The following ARHGEF10L variants were observed in gnomAD, a reference collection of about 807,000 sequenced individuals.
ARHGEF10L encodes the protein rho guanine nucleotide exchange factor 10-like protein.
ARHGEF10L carries 69 observed loss-of-function variants against 141.2 expected under a neutral mutation model. That is an observed-to-expected ratio of 0.49 (90% CI 0.40 to 0.60). The LOEUF (loss-of-function observed/expected upper bound fraction) is 0.60, where lower values mean the gene tolerates loss of function less well. Ranked by LOEUF, ARHGEF10L falls within the 20% of genes least tolerant of loss-of-function variation. The pLI is 0.00. For missense variants in ARHGEF10L, 1,482 were observed against 1,734.3 expected, an observed-to-expected ratio of 0.85 and a Z score of 2.58; for synonymous variants, 711 against 718.5, an observed-to-expected ratio of 0.99 and a Z score of 0.17.
the ARHGEF10L span, among the ~76,000 whole-genome samples, chr1:17,532,263 C>G: frequency 6.6e-6 from 1 of 152,162 alleles, no homozygotes; most frequent in Non-Finnish European, 1.5e-5. Flanking sequence ...AACTCTTATG[C>G]CTGGGAGCCT....
chr1:17,652,260 C>T (rs1221418162), intron 22 of ARHGEF10L, among the ~76,000 whole-genome samples: 2 of 152,092 alleles, frequency 1.3e-5, no homozygotes, highest in African/African-American at 4.8e-5. Context: ...AGGAGTAGGT[C>T]TCTTGTCTGT....
At chr1:17,678,069 C>T (rs533728371) in intron 26 of ARHGEF10L, among the ~76,000 whole-genome samples, 2 of 152,242 alleles carry the variant, frequency 1.3e-5, no homozygotes, top group South Asian at 4.2e-4. Context: ...GATGCCTGGC[C>T]CCCTCTCTAT....
chr1:17,554,582 C>G (rs2077233812), intron 1 of ARHGEF10L, among the ~76,000 whole-genome samples: 1 of 144,402 alleles, frequency 6.9e-6, no homozygotes, highest in Non-Finnish European at 1.5e-5. Context: ...TTCCTTCCTT[C>G]CTTTTTTTTT....
intron 26 of ARHGEF10L, among the ~76,000 whole-genome samples, chr1:17,666,970 C>T (rs1350610801): frequency 6.7e-6 from 1 of 149,936 alleles, no homozygotes; most frequent in Non-Finnish European, 1.5e-5. Context: ...GGTCCTCTGA[C>T]CCATCTGGGT....
At chr1:17,562,191 C>T (rs572739109) in intron 1 of ARHGEF10L, among the ~76,000 whole-genome samples, 5 of 152,248 alleles carry the variant, frequency 3.3e-5, no homozygotes, top group South Asian at 2.1e-4. Context: ...GAAGTGGGTG[C>T]ATCACTTGAT....
At chr1:17,560,451 G>T (rs2077500762) in intron 1 of ARHGEF10L, among the ~76,000 whole-genome samples, 2 of 152,186 alleles carry the variant, frequency 1.3e-5, no homozygotes, top group Non-Finnish European at 2.9e-5. Context: ...TGCCCCTTTT[G>T]TGAAGTGGGG....
At chr1:17,604,022 C>T (rs546048028) in intron 6 of ARHGEF10L, among the ~76,000 whole-genome samples, 3 of 152,194 alleles carry the variant, frequency 2.0e-5, no homozygotes, top group Non-Finnish European at 2.9e-5. Context: ...CGATTGTGGC[C>T]GCAGAAGGGA....
chr1:17,685,155 C>A lies in ARHGEF10L; in HGVS notation c.3010-2418C>A, dbSNP rs142204198. Among the ~76,000 whole-genome samples, 19 of 152,314 alleles carry A rather than the reference C, an allele frequency of 1.2e-4. No homozygotes were observed. The East Asian group carries it at 3.1e-3, about 25-fold the overall frequency. ...CCTCCCTCTCCACTTGCTAAGCCCA[C>A]GCGAGGTCTTCGGGGGCTGGACAAA... On this transcript the variant is annotated intron_variant, in intron 26 of 28. Transcript: ENST00000361221.
At chr1:17,618,551 C>G (rs920800153) in intron 9 of ARHGEF10L, 4 of 1,362,316 alleles carry the variant, frequency 2.9e-6, no homozygotes, top group East Asian at 3.1e-5. Flanking sequence ...GTCTCTACCC[C>G]CTCCCACCCT....
intron 27 of ARHGEF10L, among the ~76,000 whole-genome samples, chr1:17,689,466 CCTCCCTGCCTCCTTCCCCTACCTCCCTCT>C (rs2064888534): frequency 1.2e-5 from 1 of 82,134 alleles, no homozygotes; most frequent in Non-Finnish European, 2.4e-5. Context: ...TCTCTCCCTC[CCTCCCTGCCTCCTTCCCCTACCTCCCTCT>C]CTCCCTCCCT....
intron 25 of ARHGEF10L, among the ~76,000 whole-genome samples, chr1:17,659,982 G>A (rs546265345): frequency 1.3e-5 from 2 of 152,378 alleles, no homozygotes; most frequent in South Asian, 4.1e-4. Context: ...CTGAGGCCAA[G>A]AGCAATGTGG....
At chr1:17,605,332 C>T (rs757677073) in intron 6 of ARHGEF10L, among the ~76,000 whole-genome samples, 6 of 152,280 alleles carry the variant, frequency 3.9e-5, no homozygotes, top group South Asian at 2.1e-4. Flanking sequence ...CCTGACCAAT[C>T]TCTCTGGGCC....
At chr1:17,655,025 A>T (rs889578398) in intron 23 of ARHGEF10L, among the ~76,000 whole-genome samples, 8 of 152,132 alleles carry the variant, frequency 5.3e-5, no homozygotes, top group Non-Finnish European at 1.2e-4. Context: ...CAGGATCTTC[A>T]CCCCTGGAGT....
At position 17,697,606 on chromosome 1, in the gene ARHGEF10L, CCTT is replaced by C. The variant is rs1315450368; in HGVS notation, c.*230_*232del. The C allele has an allele frequency of 4.4e-6, 3 of 681,634 alleles. No individual in the cohort carries two copies. The highest frequency in any genetic ancestry group is 8.0e-6 in the Non-Finnish European group (3 of 377,150). 42.2% of individuals were successfully genotyped at this position (681,634 alleles called of 1,614,324 possible). On this transcript the variant is annotated 3_prime_UTR_variant, in exon 29 of 29. Coordinates refer to ENST00000361221, the MANE Select transcript of ARHGEF10L (RefSeq NM_018125.4). This position sits in a 1 kb window ranked among gnomAD's most constrained non-coding sequence, Gnocchi z 4.8. ...GGGAGGACACATCTGGAGGAAATGG[CCTT>C]CTTTTTAAAAGCAAAAAACACAAAA...
In ARHGEF10L at chr1:17,697,087, C is replaced by T; in HGVS notation, c.3547C>T (p.Leu1183Phe). The T allele has an allele frequency of 6.2e-7, 1 of 1,607,228 alleles. No individual in the cohort carries two copies. The highest frequency in any genetic ancestry group is 2.2e-5 in the East Asian group (1 of 44,658). The change falls in exon 29 of 29, where the codon CTC (leucine) becomes TTC (phenylalanine). Residue 1183 changes from leucine (L) to phenylalanine (F), a missense_variant. By Grantham distance (22) the Leu-to-Phe change is conservative. Coordinates refer to ENST00000361221, the MANE Select transcript of ARHGEF10L (RefSeq NM_018125.4). This position sits in a 1 kb window ranked among gnomAD's most constrained non-coding sequence, Gnocchi z 4.8. Reference sequence around the variant, plus strand: ...GTACCGCCTGCGCTCCACCGCACACCTCCCGGGCCCGCTGCTCTCCATGCG... The same window carrying T: ...GTACCGCCTGCGCTCCACCGCACACTTCCCGGGCCCGCTGCTCTCCATGCG... ...LQYRLRSTAH[L>F]PGPLLSMREP... is the part of the protein sequence containing the mutation.
rs147626453 is a variant in ARHGEF10L, at chr1:17,682,181, T to G, written c.3010-5392T>G. On this transcript the variant is annotated intron_variant, in intron 26 of 28. Coordinates refer to ENST00000361221, the MANE Select transcript of ARHGEF10L (RefSeq NM_018125.4). ...TTCTAGGCATTTCTCCAGGGCACCC[T>G]GGCTAGAGTCACTGCCTTCAGGCTC... 5.4e-3 allele frequency among the ~76,000 whole-genome samples: 822 copies of G among 152,318 alleles called. 9 individuals carry two copies. Among genetic ancestry groups the G allele is most frequent in the African/African-American group, 0.019 (789 of 41,566 alleles).
Position 17,615,696 on chromosome 1 carries a change from C to G in ARHGEF10L, c.727-398C>G, listed in dbSNP as rs2059768326. The G allele has an allele frequency of 5.7e-6, 1 of 175,868 alleles. No homozygotes were observed. Among genetic ancestry groups the G allele is most frequent in the African/African-American group, 2.3e-5 (1 of 42,736 alleles). The allele number at this position is 175,868 out of a possible 1,614,324, so 10.9% of individuals were successfully genotyped here. On this transcript the variant is annotated intron_variant, in intron 8 of 28. Coordinates refer to ENST00000361221, the MANE Select transcript of ARHGEF10L (RefSeq NM_018125.4). The surrounding 1 kb of genome is among the most constrained non-coding windows in gnomAD (Gnocchi z 4.7). ...CTGGCAAGGATCGGTATTGCTGTTC[C>G]TCAGTTTTGCCTGGGGAAATGGAGG... is the stretch of plus-strand genomic sequence containing the variant.
chr1:17,628,223 G>A (rs771946363), intron 15 of ARHGEF10L, among the ~76,000 whole-genome samples: 1 of 151,988 alleles, frequency 6.6e-6, no homozygotes, highest in Admixed American at 6.5e-5. Flanking sequence ...CTGTAATCCC[G>A]GAAGGCTGAG....
rs148163393 is a variant in ARHGEF10L at position 17,669,192 on chromosome 1, G to A, written c.3009+4597G>A. 9.9e-3 allele frequency among the ~76,000 whole-genome samples: 1,511 copies of A among 152,302 alleles called. 29 individuals are homozygous for A. The highest frequency in any genetic ancestry group is 0.034 in the African/African-American group (1,428 of 41,558). On this transcript the variant is annotated intron_variant, in intron 26 of 28. Transcript: ENST00000361221. ...TATGGGGTTTGAGATTCTTAGAGCC[G>A]TTCAATGCTCCAAGCCAGGAGACCC...
Sources: gnomAD v4.1 joint callset for allele counts (sites outside exome capture counted in the v4.1 genomes callset) on GRCh38, gnomAD v4.1.1 for gene constraint, Gnocchi (gnomAD v3.1) non-coding constraint, MANE v1.5 for transcripts, NCBI Gene and HGNC (gene_info 2026-07-23, HGNC 2026-07-21) for gene names.